Variants in GRIK1 observed in about 807,000 individuals in gnomAD.
GRIK1 encodes glutamate ionotropic receptor kainate type subunit 1, also known as glutamate receptor ionotropic, kainate 1.
Under a neutral mutation model 105.7 loss-of-function variants are expected in GRIK1, and 69 were observed. The ratio of observed to expected loss-of-function variants is 0.65; its 90% confidence interval spans 0.54 to 0.80. The LOEUF (loss-of-function observed/expected upper bound fraction) is 0.80, where lower values mean the gene tolerates loss of function less well. Ranked by LOEUF, GRIK1 falls within the 30% of genes least tolerant of loss-of-function variation. The pLI is 0.00. For synonymous variants in GRIK1, 438 were observed against 431.3 expected, an observed-to-expected ratio of 1.02 and a Z score of -0.19; for missense variants, 1,109 against 1,167.3, an observed-to-expected ratio of 0.95 and a Z score of 0.73.
In GRIK1 at chr21:29,593,896, T is replaced by G. The variant is rs148570787; in HGVS notation, c.1251+2630A>C. Among the ~76,000 whole-genome samples, 163 of 152,358 alleles carry G rather than the reference T, an allele frequency of 1.1e-3. 1 individual carries two copies. The highest frequency in any genetic ancestry group is 3.9e-3 in the African/African-American group (161 of 41,598). On this transcript the variant is annotated intron_variant, in intron 9 of 17. Transcript: ENST00000327783. The stretch of plus-strand genomic sequence containing the variant: ...TGTCTGGTTTTTCTTTCCTTTGCTA[T>G]CTGCACTAAAAGTGCAGAAGCTAAG...
intron 7 of GRIK1, among the ~76,000 whole-genome samples, chr21:29,615,759 A>C (rs1315389623): frequency 6.6e-6 from 1 of 152,236 alleles, no homozygotes; most frequent in African/African-American, 2.4e-5. Context: ...ATTTTGAAAC[A>C]TGAGCCCTTC....
chr21:29,579,985 G>GTGTATATATATGTATATATA (rs201446350), intron 13 of GRIK1, among the ~76,000 whole-genome samples: 13 of 144,610 alleles, frequency 9.0e-5, no homozygotes, highest in African/African-American at 2.6e-4. Flanking sequence ...ATATATATGT[G>GTGTATATATATGTATATATA]TGTATATATA....
chr21:29,861,582 TAG>T, intron 1 of GRIK1: 1 of 272,464 alleles, frequency 3.7e-6, no homozygotes, highest in Non-Finnish European at 6.6e-6. Context: ...TGTGGGATTA[TAG>T]GTGTGAGCCA....
At chr21:29,724,777 A>G (rs989053236) in intron 1 of GRIK1, among the ~76,000 whole-genome samples, 1 of 152,192 alleles carries the variant, frequency 6.6e-6, no homozygotes, top group Non-Finnish European at 1.5e-5. Flanking sequence ...TTAAGGGGCT[A>G]CAGGAGCCCT....
chr21:29,777,186 G>A (rs762087538), intron 1 of GRIK1, among the ~76,000 whole-genome samples: 7 of 152,168 alleles, frequency 4.6e-5, no homozygotes, highest in Non-Finnish European at 7.4e-5. Context: ...AGTACTGGGT[G>A]ACTCTCGTGA....
chr21:29,706,591 T>C (rs1168484660), intron 1 of GRIK1, among the ~76,000 whole-genome samples: 1 of 152,206 alleles, frequency 6.6e-6, no homozygotes, highest in African/African-American at 2.4e-5. Flanking sequence ...AAGTTATTTC[T>C]CAGAGAAAAT....
chr21:29,564,655 G>T (rs1443100467), intron 14 of GRIK1, among the ~76,000 whole-genome samples: 2 of 152,102 alleles, frequency 1.3e-5, no homozygotes, highest in African/African-American at 2.4e-5. Flanking sequence ...CTGAAGTGAA[G>T]GACTTCATTA....
chr21:29,572,433 G>A (rs370148391), intron 14 of GRIK1, among the ~76,000 whole-genome samples: 1 of 151,654 alleles, frequency 6.6e-6, no homozygotes, highest in South Asian at 2.1e-4. Flanking sequence ...TTTCCCTCTC[G>A]GCTTCCTTCC....
intron 1 of GRIK1, among the ~76,000 whole-genome samples, chr21:29,877,033 T>C (rs1271851234): frequency 1.3e-5 from 2 of 152,180 alleles, no homozygotes; most frequent in South Asian, 4.1e-4. Context: ...AAAGTATACT[T>C]TCAACTATAT....
intron 3 of GRIK1, among the ~76,000 whole-genome samples, chr21:29,684,270 CTATCT>C (rs1285729397): frequency 6.6e-6 from 1 of 151,920 alleles, no homozygotes; most frequent in Non-Finnish European, 1.5e-5. Flanking sequence ...ATCTATCTAT[CTATCT>C]ATCTATCTAT....
chr21:29,706,782 A>G (rs997505413), intron 1 of GRIK1, among the ~76,000 whole-genome samples: 1 of 152,368 alleles, frequency 6.6e-6, no homozygotes, highest in South Asian at 2.1e-4. Flanking sequence ...TTTTTAAAGT[A>G]GTAACATCTG....
At chr21:29,694,116 AATTTTTTT>A in intron 1 of GRIK1, 53 bp from the exon 2 acceptor site, 1 of 632,252 alleles carries the variant, frequency 1.6e-6, no homozygotes, top group Non-Finnish European at 2.3e-6. Flanking sequence ...GTTCACATGT[AATTTTTTT>A]TTTTTTTTTT....
At chr21:29,659,031 G>A (rs899832952) in intron 4 of GRIK1, among the ~76,000 whole-genome samples, 1 of 152,076 alleles carries the variant, frequency 6.6e-6, no homozygotes, top group African/African-American at 2.4e-5. Context: ...TCAAAATTAC[G>A]GGTCTTCCAT....
At chr21:29,782,931 T>C (rs1255038711) in intron 1 of GRIK1, among the ~76,000 whole-genome samples, 1 of 152,192 alleles carries the variant, frequency 6.6e-6, no homozygotes. Context: ...ATTTTTCATC[T>C]TGGTGTAAAA....
chr21:29,905,451 T>C (rs2070578432), intron 1 of GRIK1, among the ~76,000 whole-genome samples: 2 of 150,072 alleles, frequency 1.3e-5, no homozygotes, highest in African/African-American at 4.9e-5. Flanking sequence ...TTATATTATT[T>C]ATTAATTTAT....
chr21:29,801,951 A>G (rs1198832833), intron 1 of GRIK1, among the ~76,000 whole-genome samples: 1 of 152,160 alleles, frequency 6.6e-6, no homozygotes, highest in Non-Finnish European at 1.5e-5. Flanking sequence ...CAAACAGCAA[A>G]AAAGAAGCTG....
chr21:29,621,175 T>C (rs2061993542), intron 7 of GRIK1, among the ~76,000 whole-genome samples: 1 of 152,100 alleles, frequency 6.6e-6, no homozygotes. Context: ...AAAATTCTAG[T>C]TTCTCAATTG....
At chr21:29,770,053 C>T (rs1005600748) in intron 1 of GRIK1, among the ~76,000 whole-genome samples, 1 of 152,182 alleles carries the variant, frequency 6.6e-6, no homozygotes, top group African/African-American at 2.4e-5. Flanking sequence ...CCCACGAGTG[C>T]TATTCTATAG....
At chr21:29,928,429 C>T (rs1223661250) in intron 1 of GRIK1, among the ~76,000 whole-genome samples, 1 of 152,132 alleles carries the variant, frequency 6.6e-6, no homozygotes, top group East Asian at 1.9e-4. Context: ...CAATAAAATC[C>T]CTTAGATCTG....
Sources: gnomAD v4.1 joint callset for allele counts (sites outside exome capture counted in the v4.1 genomes callset) on GRCh38, gnomAD v4.1.1 for gene constraint, MANE v1.5 for transcripts, NCBI Gene and HGNC (gene_info 2026-07-23, HGNC 2026-07-21) for gene names.